The following POM121C variants were observed in gnomAD, a reference collection of about 807,000 sequenced individuals.
The protein encoded by POM121C is POM121 transmembrane nucleoporin C.
In POM121C, 20 loss-of-function variants were observed where a neutral mutation model predicts 66.4. The observed-to-expected ratio is 0.30, with a 90% CI of 0.21 to 0.44. POM121C has a LOEUF of 0.44. Ranked by LOEUF, POM121C falls within the 20% of genes least tolerant of loss-of-function variation. The pLI is 1.00. For synonymous variants in POM121C, 286 were observed against 528.0 expected (o/e 0.54, Z 6.28); for missense variants, 580 against 1,225.7 (o/e 0.47, Z 7.87).
intron 3 of POM121C, among the ~76,000 whole-genome samples, chr7:75,467,227 G>A (rs1319373163): frequency 6.6e-6 from 1 of 152,190 alleles, no homozygotes; most frequent in Non-Finnish European, 1.5e-5. Flanking sequence ...TGGTGCTCAA[G>A]TATGTTTAAA....
chr7:75,440,628 A>T (rs1554473794), intron 5 of POM121C: 1 of 384,664 alleles, frequency 2.6e-6, no homozygotes, highest in Non-Finnish European at 4.7e-6. Context: ...ACACCACAAA[A>T]TTCCGACCGG....
chr7:75,427,650 G>A (rs1260959675), intron 7 of POM121C, among the ~76,000 whole-genome samples: 1 of 151,824 alleles, frequency 6.6e-6, no homozygotes, highest in South Asian at 2.1e-4. Context: ...ACTGCAAATA[G>A]TCTCGTAAGT....
At position 75,485,930 on chromosome 7, in the gene POM121C, C is replaced by A. The variant is rs1342477821; in HGVS notation, c.-524G>T. Reference sequence around the variant, plus strand: ...GGCCGGGGCGGGCTGCTGTCGCTGGCGCGCGCGTCTGCTCGCGAGGTCCCC... The same window carrying A: ...GGCCGGGGCGGGCTGCTGTCGCTGGAGCGCGCGTCTGCTCGCGAGGTCCCC... On this transcript the variant is annotated 5_prime_UTR_variant, in exon 1 of 15. Coordinates refer to ENST00000615331, the MANE Select transcript of POM121C (RefSeq NM_001099415.3). 7 of 497,276 alleles carry A rather than the reference C, an allele frequency of 1.4e-5. No individual in the cohort carries two copies. The highest frequency in any genetic ancestry group is 2.0e-5 in the Non-Finnish European group (5 of 251,606). The allele number at this position is 497,276 out of a possible 1,614,324, so 30.8% of individuals were successfully genotyped here.
intron 1 of POM121C, among the ~76,000 whole-genome samples, chr7:75,483,765 A>G (rs1554480499): frequency 6.6e-6 from 1 of 151,844 alleles, no homozygotes. Flanking sequence ...CACACTAACT[A>G]TATTTTACAG....
chr7:75,432,297 C>T (rs1790215209), intron 7 of POM121C, among the ~76,000 whole-genome samples: 1 of 152,032 alleles, frequency 6.6e-6, no homozygotes, highest in African/African-American at 2.4e-5. Context: ...TGTATAATAG[C>T]TCCAAACTGG....
At chr7:75,476,095 C>T (rs1247747773) in intron 1 of POM121C, among the ~76,000 whole-genome samples, 4 of 152,116 alleles carry the variant, frequency 2.6e-5, no homozygotes, top group Non-Finnish European at 5.9e-5. Context: ...GGTTGGGCAA[C>T]ATAGTAAGAA....
At chr7:75,468,755 G>A (rs1359944409) in intron 3 of POM121C, among the ~76,000 whole-genome samples, 1 of 152,106 alleles carries the variant, frequency 6.6e-6, no homozygotes, top group Non-Finnish European at 1.5e-5. Flanking sequence ...GGTGCAGTGG[G>A]TCATGCCTAT....
At chr7:75,468,520 T>C (rs1328042081) in intron 3 of POM121C, among the ~76,000 whole-genome samples, 4 of 152,068 alleles carry the variant, frequency 2.6e-5, no homozygotes, top group Non-Finnish European at 5.9e-5. Context: ...GATTTCGCCA[T>C]GTTGGCCAGG....
chr7:75,474,596 G>A (rs1235729089), intron 3 of POM121C, 108 bp downstream of exon 3: 1 of 482,716 alleles, frequency 2.1e-6, no homozygotes, highest in African/African-American at 2.0e-5. Context: ...TGATATTTGG[G>A]GGTTGGGAGG....
At chr7:75,462,639 AGGGCTGC>A (rs1791482419) in intron 3 of POM121C, among the ~76,000 whole-genome samples, 1 of 152,048 alleles carries the variant, frequency 6.6e-6, no homozygotes. Flanking sequence ...CAGCTGCCTG[AGGGCTGC>A]CAAAAGAACT....
chr7:75,469,682 T>C (rs587724626), intron 3 of POM121C, among the ~76,000 whole-genome samples: 1 of 152,318 alleles, frequency 6.6e-6, no homozygotes, highest in South Asian at 2.1e-4. Context: ...CATGACTCCC[T>C]ACTCCCTCTT....
At chr7:75,430,041 T>C (rs1290622958) in intron 7 of POM121C, among the ~76,000 whole-genome samples, 1 of 152,184 alleles carries the variant, frequency 6.6e-6, no homozygotes, top group Admixed American at 6.5e-5. Context: ...ACATTCCATG[T>C]TCATAGATTA....
At chr7:75,484,660 C>G (rs10267366) in intron 1 of POM121C, among the ~76,000 whole-genome samples, 3 of 42,786 alleles carry the variant, frequency 7.0e-5, no homozygotes, top group Non-Finnish European at 1.6e-4. Flanking sequence ...GAGACACTGT[C>G]TCAAAAAAAA....
At chr7:75,472,406 G>C (rs1416960994) in intron 3 of POM121C, among the ~76,000 whole-genome samples, 4 of 151,690 alleles carry the variant, frequency 2.6e-5, no homozygotes, top group Non-Finnish European at 5.9e-5. Context: ...TCAGCTACTC[G>C]GGAGGCTGAG....
chr7:75,484,389 G>A lies in POM121C; in HGVS notation c.-458+1475C>T, dbSNP rs587710472. 112 of 574,038 alleles carry A rather than the reference G, an allele frequency of 2.0e-4. 1 individual carries two copies. The South Asian group carries it at 2.2e-3, about 11-fold the overall frequency. The allele number at this position is 574,038 out of a possible 1,614,324, so 35.6% of individuals were successfully genotyped here. A position where few individuals can be genotyped will look rare whatever the true frequency, so the allele number is the denominator to read the frequency against. ...TGAACACTCAACCTGCAAACACTCA[G>A]AAGGGTCTAAAAGAGTGATACAGGG... On this transcript the variant is annotated intron_variant, in intron 1 of 14. Coordinates refer to ENST00000615331, the MANE Select transcript of POM121C (RefSeq NM_001099415.3).
At chr7:75,467,507 G>C (rs1468816153) in intron 3 of POM121C, among the ~76,000 whole-genome samples, 4 of 147,088 alleles carry the variant, frequency 2.7e-5, no homozygotes, top group African/African-American at 1.0e-4. Context: ...ACTCCAGCCT[G>C]GGCGACAGAG....
rs1298616337 is a variant in POM121C, at chr7:75,460,934, A to G, written c.-152+13770T>C. On this transcript the variant is annotated intron_variant, in intron 3 of 14. Coordinates refer to ENST00000615331, the MANE Select transcript of POM121C (RefSeq NM_001099415.3). ...CATCCTTCAGAAGATTTTATCAAAG[A>G]GACAAAATCCTCCTCTGCCCCACCC... 1.2e-4 allele frequency among the ~76,000 whole-genome samples: 19 copies of G among 152,256 alleles called. 1 individual carries two copies. The highest frequency in any genetic ancestry group is 4.6e-4 in the African/African-American group (19 of 41,484).
intron 3 of POM121C, among the ~76,000 whole-genome samples, chr7:75,452,163 C>T (rs1173190985): frequency 6.6e-6 from 1 of 151,050 alleles, no homozygotes; most frequent in Non-Finnish European, 1.5e-5. Flanking sequence ...GACTCCGCCT[C>T]AAAAAACAAA....
At chr7:75,446,909 G>A (rs1402049431) in intron 3 of POM121C, among the ~76,000 whole-genome samples, 8 of 142,406 alleles carry the variant, frequency 5.6e-5, no homozygotes, top group African/African-American at 2.1e-4. Context: ...TCGGGAGGCT[G>A]AGGCAAGAGA....
Sources: gnomAD v4.1 joint callset for allele counts (sites outside exome capture counted in the v4.1 genomes callset) on GRCh38, gnomAD v4.1.1 for gene constraint, MANE v1.5 for transcripts, NCBI Gene and HGNC (gene_info 2026-07-23, HGNC 2026-07-21) for gene names.